SPACA7: variants seen among roughly 807,000 people sequenced by gnomAD.
SPACA7 encodes the protein sperm acrosome associated 7, also known as sperm acrosome-associated protein 7.
In SPACA7, 19 loss-of-function variants were observed where a neutral mutation model predicts 26.3. The ratio of observed to expected loss-of-function variants is 0.72; its 90% CI spans 0.50 to 1.06. The LOEUF (loss-of-function observed/expected upper bound fraction) is 1.06, where lower values mean the gene tolerates loss of function less well. SPACA7 is among the 50% of genes least tolerant of loss of function. The pLI, the probability that SPACA7 is intolerant of heterozygous loss-of-function variation, is 0.00. For missense variants in SPACA7, 211 were observed against 229.9 expected, an observed-to-expected ratio of 0.92 and a Z score of 0.53; for synonymous variants, 84 against 84.5, an observed-to-expected ratio of 0.99 and a Z score of 0.04.
chr13:112,434,225 G>A (rs1478636439), intron 6 of SPACA7, among the ~76,000 whole-genome samples: 2 of 152,216 alleles, frequency 1.3e-5, no homozygotes, highest in Non-Finnish European at 2.9e-5. Flanking sequence ...CAGGCTTGGA[G>A]TTGTCGATGG....
In SPACA7 at chr13:112,434,346, C is replaced by T; in HGVS notation, c.524-139C>T. On this transcript the variant is annotated intron_variant, in intron 6 of 6. Transcript: ENST00000283550. ...CCCCTCCCGGTCCTCCTGCCCCAGA[C>T]ACATCCGCAGGGCTCTCCCCTCCCT... The T allele has an allele frequency of 7.0e-6, 5 of 712,178 alleles. No homozygotes were observed. In the South Asian group the frequency reaches 8.7e-5, roughly 12 times the overall value. The allele number at this position is 712,178 out of a possible 1,614,324, so 44.1% of individuals were successfully genotyped here.
chr13:112,420,418 A>C, intron 5 of SPACA7, among the ~76,000 whole-genome samples: 1 of 152,232 alleles, frequency 6.6e-6, no homozygotes, highest in East Asian at 1.9e-4. Context: ...AAAATACATA[A>C]TTTCTTAAAT....
chr13:112,392,816 T>C (rs1201209247), intron 1 of SPACA7, among the ~76,000 whole-genome samples: 1 of 152,184 alleles, frequency 6.6e-6, no homozygotes, highest in Admixed American at 6.5e-5. Flanking sequence ...TGGCTGTTTC[T>C]CCGCATTTTC....
At chr13:112,427,446 C>T (rs1876641916) in intron 5 of SPACA7, among the ~76,000 whole-genome samples, 1 of 152,200 alleles carries the variant, frequency 6.6e-6, no homozygotes, top group Non-Finnish European at 1.5e-5. Flanking sequence ...ATTTAATTTG[C>T]TGAAATTTAA....
chr13:112,403,421 C>T (rs1016516990), intron 5 of SPACA7, among the ~76,000 whole-genome samples: 4 of 151,870 alleles, frequency 2.6e-5, no homozygotes, highest in African/African-American at 7.3e-5. Flanking sequence ...TTCTGAAATC[C>T]AGGGATTTTT....
intron 5 of SPACA7, among the ~76,000 whole-genome samples, chr13:112,405,913 T>C (rs778414875): frequency 1.1e-4 from 17 of 152,202 alleles, no homozygotes; most frequent in Non-Finnish European, 2.9e-5. Flanking sequence ...GATACTTTCT[T>C]TGTCATGTTA....
At chr13:112,398,557 A>C (rs868666986) in intron 3 of SPACA7, among the ~76,000 whole-genome samples, 5 of 152,200 alleles carry the variant, frequency 3.3e-5, no homozygotes, top group Admixed American at 2.0e-4. Context: ...ATTTGACAGA[A>C]GGTAAAACCA....
intron 1 of SPACA7, among the ~76,000 whole-genome samples, chr13:112,384,323 A>G (rs1884393601): frequency 1.3e-5 from 2 of 152,026 alleles, no homozygotes; most frequent in African/African-American, 4.8e-5. Context: ...TTAACATAAT[A>G]ATTAAAATTA....
At chr13:112,393,150 C>T in intron 2 of SPACA7, 73 bp downstream of exon 2, 1 of 1,290,476 alleles carries the variant, frequency 7.7e-7, no homozygotes, top group Admixed American at 1.8e-5. Flanking sequence ...GGCTGTTTCC[C>T]AGATAACCTG....
intron 1 of SPACA7, 72 bp downstream of exon 1, chr13:112,376,551 T>C: frequency 1.3e-6 from 2 of 1,501,808 alleles, no homozygotes; most frequent in Non-Finnish European, 1.8e-6. Context: ...TCTTCTCCCA[T>C]GGGTTCCTCT....
intron 5 of SPACA7, among the ~76,000 whole-genome samples, chr13:112,419,381 G>A (rs1183024195): frequency 1.3e-5 from 2 of 152,178 alleles, no homozygotes; most frequent in African/African-American, 4.8e-5. Flanking sequence ...GATGCTCACA[G>A]GAAGGACTGG....
chr13:112,408,355 G>A (rs946582271), intron 5 of SPACA7, among the ~76,000 whole-genome samples: 2 of 152,132 alleles, frequency 1.3e-5, no homozygotes, highest in African/African-American at 4.8e-5. Flanking sequence ...CATAGTGTTG[G>A]AAATTCCAGC....
rs2296896 is a variant in SPACA7, at chr13:112,376,360, G to A, written c.-26G>A. 0.14 allele frequency: 228,256 copies of A among 1,606,146 alleles called. 19,493 individuals are homozygous for A. The highest frequency in any genetic ancestry group is 0.33 in the South Asian group (29,405 of 89,446). On this transcript the variant is annotated 5_prime_UTR_variant, in exon 1 of 7. Transcript: ENST00000283550. ...ATGGGAAACTGTCAACCTTCAGAAC[G>A]TCCTTCTCCCTCAGCTGGAGGGAGC...
intron 5 of SPACA7, among the ~76,000 whole-genome samples, chr13:112,420,032 A>G (rs998718531): frequency 2.0e-5 from 3 of 152,354 alleles, no homozygotes; most frequent in East Asian, 3.9e-4. Context: ...GAAGATGTCA[A>G]TAGCCACAAC....
At chr13:112,414,663 T>C (rs1886576967) in intron 5 of SPACA7, among the ~76,000 whole-genome samples, 1 of 152,142 alleles carries the variant, frequency 6.6e-6, no homozygotes, top group Non-Finnish European at 1.5e-5. Flanking sequence ...TGCCCGTTCT[T>C]GGCTTCCCAA....
intron 5 of SPACA7, among the ~76,000 whole-genome samples, chr13:112,418,795 A>G (rs1886845483): frequency 6.6e-6 from 1 of 152,188 alleles, no homozygotes; most frequent in African/African-American, 2.4e-5. Context: ...ATAATTGAAC[A>G]ATCTGATAGA....
At chr13:112,400,933 A>C (rs1472557223) in intron 4 of SPACA7, 136 bp from the exon 5 acceptor site, 2 of 680,320 alleles carry the variant, frequency 2.9e-6, no homozygotes, top group Non-Finnish European at 5.0e-6. Context: ...TGAGTTTCCA[A>C]AACATATTTT....
Position 112,424,005 on chromosome 13 carries a change from C to G in SPACA7, c.446-8439C>G, listed in dbSNP as rs140419526. Among the ~76,000 whole-genome samples the G allele has an allele frequency of 2.1e-3, 323 of 152,244 alleles. 1 individual carries two copies. Among genetic ancestry groups the G allele is most frequent in the Admixed American group, 4.2e-3 (64 of 15,292 alleles). On this transcript the variant is annotated intron_variant, in intron 5 of 6. Coordinates refer to ENST00000283550, the MANE Select transcript of SPACA7 (RefSeq NM_145248.5). ...ATAGACTTTGCTGGAAAAGGCCAAGCGTTTCACATTGAGAGAACTTCGTTT... is the reference window on the plus strand; with the variant it reads ...ATAGACTTTGCTGGAAAAGGCCAAGGGTTTCACATTGAGAGAACTTCGTTT...
chr13:112,414,433 TGTG>T (rs1228722284), intron 5 of SPACA7, among the ~76,000 whole-genome samples: 1 of 131,298 alleles, frequency 7.6e-6, no homozygotes, highest in East Asian at 2.6e-4. Flanking sequence ...TTTTTTGAGA[TGTG>T]GTCTCATTCT....
Sources: gnomAD v4.1 joint callset for allele counts (sites outside exome capture counted in the v4.1 genomes callset) on GRCh38, gnomAD v4.1.1 for gene constraint, MANE v1.5 for transcripts, NCBI Gene and HGNC (gene_info 2026-07-23, HGNC 2026-07-21) for gene names.